Variants in SNTG1 observed in about 807,000 individuals in gnomAD.
SNTG1 encodes gamma-1-syntrophin.
Under a neutral mutation model 74.7 loss-of-function variants are expected in SNTG1, and 39 were observed. That is an observed-to-expected ratio of 0.52 (90% CI 0.40 to 0.68). SNTG1 has a LOEUF of 0.68. Ranked by LOEUF, SNTG1 falls within the 30% of genes least tolerant of loss-of-function variation. The pLI is 0.00. For missense variants in SNTG1, 685 were observed against 609.5 expected (o/e 1.12, Z -1.30); for synonymous variants, 254 against 217.1 (o/e 1.17, Z -1.49).
At chr8:50,064,987 C>T (rs1292991526) in intron 1 of SNTG1, among the ~76,000 whole-genome samples, 2 of 152,098 alleles carry the variant, frequency 1.3e-5, no homozygotes, top group East Asian at 1.9e-4. Flanking sequence ...ATGTTAAGTG[C>T]TTAGGACCGT....
intron 13 of SNTG1, among the ~76,000 whole-genome samples, chr8:50,638,196 A>G (rs577782538): frequency 6.6e-6 from 1 of 152,110 alleles, no homozygotes; most frequent in Non-Finnish European, 1.5e-5. Flanking sequence ...TCATCTCTAG[A>G]GCTTCTTGAA....
chr8:50,029,031 G>A (rs1008771082), intron 1 of SNTG1, among the ~76,000 whole-genome samples: 3 of 151,730 alleles, frequency 2.0e-5, no homozygotes, highest in African/African-American at 4.8e-5. Flanking sequence ...CAAACACTGT[G>A]GCAGATATAA....
intron 1 of SNTG1, among the ~76,000 whole-genome samples, chr8:49,999,871 G>T (rs2130431593): frequency 6.6e-6 from 1 of 152,218 alleles, no homozygotes; most frequent in South Asian, 2.1e-4. Flanking sequence ...CTGTCCACTA[G>T]AATGGAACCT....
At chr8:50,506,585 C>T (rs2094008560) in intron 9 of SNTG1, among the ~76,000 whole-genome samples, 1 of 151,736 alleles carries the variant, frequency 6.6e-6, no homozygotes, top group Non-Finnish European at 1.5e-5. Flanking sequence ...CCTAATTATT[C>T]TTTTTGATGC....
chr8:50,259,692 G>T (rs2087084670), intron 2 of SNTG1, among the ~76,000 whole-genome samples: 1 of 152,064 alleles, frequency 6.6e-6, no homozygotes, highest in African/African-American at 2.4e-5. Context: ...TATGGATCTT[G>T]GAAGTTGTCA....
intron 15 of SNTG1, among the ~76,000 whole-genome samples, chr8:50,702,007 T>C (rs1185677459): frequency 6.6e-6 from 1 of 151,850 alleles, no homozygotes; most frequent in Non-Finnish European, 1.5e-5. Context: ...TGCACCACCA[T>C]GTCCGGCTAA....
chr8:50,152,060 T>C (rs1000830010), intron 1 of SNTG1, among the ~76,000 whole-genome samples: 1 of 152,128 alleles, frequency 6.6e-6, no homozygotes, highest in African/African-American at 2.4e-5. Context: ...TCTTTGTAGG[T>C]CTCTAAGGAC....
At chr8:50,682,089 C>G (rs2095333223) in intron 15 of SNTG1, among the ~76,000 whole-genome samples, 1 of 152,106 alleles carries the variant, frequency 6.6e-6, no homozygotes, top group African/African-American at 2.4e-5. Flanking sequence ...AGAAATAGCA[C>G]TTGAACATAA....
At chr8:50,482,907 T>C (rs2093753189) in intron 8 of SNTG1, among the ~76,000 whole-genome samples, 1 of 152,166 alleles carries the variant, frequency 6.6e-6, no homozygotes, top group Admixed American at 6.5e-5. Context: ...CATGAACACA[T>C]GAAATTCCCC....
At chr8:50,783,407 GC>G (rs2095665832) in intron 18 of SNTG1, among the ~76,000 whole-genome samples, 1 of 152,142 alleles carries the variant, frequency 6.6e-6, no homozygotes, top group South Asian at 2.1e-4. Context: ...AATGGCAGGC[GC>G]CCCTCCCCCA....
intron 8 of SNTG1, chr8:50,458,192 T>TA (rs1302951934): frequency 1.2e-5 from 1 of 85,808 alleles, no homozygotes; most frequent in Non-Finnish European, 3.1e-5. Flanking sequence ...AGGCAGAAGC[T>TA]AAAACAGGAA....
chr8:50,058,998 T>A (rs949820509), intron 1 of SNTG1, among the ~76,000 whole-genome samples: 2 of 152,082 alleles, frequency 1.3e-5, no homozygotes, highest in African/African-American at 4.8e-5. Flanking sequence ...AATCATACAG[T>A]GTGCAGGCAT....
At chr8:50,111,392 G>C (rs1027602070) in intron 1 of SNTG1, among the ~76,000 whole-genome samples, 6 of 149,828 alleles carry the variant, frequency 4.0e-5, no homozygotes, top group African/African-American at 9.9e-5. Flanking sequence ...GCACCAGAAA[G>C]TATATCCTCT....
chr8:50,187,222 C>T (rs2083416538), intron 2 of SNTG1, among the ~76,000 whole-genome samples: 1 of 152,024 alleles, frequency 6.6e-6, no homozygotes, highest in African/African-American at 2.4e-5. Flanking sequence ...AATCCCATGT[C>T]AAAAGAACAA....
chr8:50,237,098 A>T (rs940851627), intron 2 of SNTG1, among the ~76,000 whole-genome samples: 5 of 152,196 alleles, frequency 3.3e-5, no homozygotes, highest in Non-Finnish European at 7.4e-5. Flanking sequence ...TAAATTAAGA[A>T]TCACACATTA....
chr8:50,016,580 T>G (rs1314685283), intron 1 of SNTG1, among the ~76,000 whole-genome samples: 1 of 152,136 alleles, frequency 6.6e-6, no homozygotes, highest in Non-Finnish European at 1.5e-5. Flanking sequence ...CTGCACTGTA[T>G]GTTCATTAGC....
Position 50,432,268 on chromosome 8 carries a change from T to C in SNTG1, c.163-6275T>C, listed in dbSNP as rs568778905. ...CAGCACTGTTTGTTGGAAAAAAATA[T>C]CTTTGCTTTTCTCTATTGAATTGTT... is the stretch of plus-strand genomic sequence containing the variant. On this transcript the variant is annotated intron_variant, in intron 4 of 18. Transcript: ENST00000642720. 5.9e-5 allele frequency among the ~76,000 whole-genome samples: 9 copies of C among 152,288 alleles called. No individual in the cohort carries two copies. In the South Asian group the frequency reaches 1.2e-3, roughly 21 times the overall value.
At chr8:50,403,129 A>G (rs1218630154) in intron 4 of SNTG1, among the ~76,000 whole-genome samples, 1 of 152,210 alleles carries the variant, frequency 6.6e-6, no homozygotes, top group African/African-American at 2.4e-5. Flanking sequence ...ATCTCAGAAG[A>G]AAATTACAGA....
intron 18 of SNTG1, among the ~76,000 whole-genome samples, chr8:50,780,345 G>A (rs1033950138): frequency 6.6e-6 from 1 of 152,048 alleles, no homozygotes; most frequent in Admixed American, 6.6e-5. Context: ...GACTCTTTTT[G>A]GTTGGTAAGC....
Sources: gnomAD v4.1 joint callset for allele counts (sites outside exome capture counted in the v4.1 genomes callset) on GRCh38, gnomAD v4.1.1 for gene constraint, MANE v1.5 for transcripts, NCBI Gene and HGNC (gene_info 2026-07-23, HGNC 2026-07-21) for gene names.